The following SMIM9 variants were observed in gnomAD, a reference collection of about 807,000 sequenced individuals.
SMIM9 encodes chromosome X open reading frame 68.
In SMIM9, 8 loss-of-function variants were observed where a neutral mutation model predicts 7.2. The ratio of observed to expected loss-of-function variants is 1.10; its 90% CI spans 0.65 to 1.99. The LOEUF is 1.99. Ranked by LOEUF, SMIM9 falls within the 30% of genes most tolerant of loss-of-function variation. The pLI is 0.00. For missense variants in SMIM9, 76 were observed against 69.3 expected, an observed-to-expected ratio of 1.10 and a Z score of -0.34; for synonymous variants, 19 against 26.4, an observed-to-expected ratio of 0.72 and a Z score of 0.86.
At chrX:154,827,484 A>C (rs1422377960) in intron 4 of SMIM9, 1 of 112,568 alleles carries the variant, frequency 8.9e-6, no homozygotes, top group Non-Finnish European at 1.9e-5. Context: ...AGAGTCCTTC[A>C]GTTGAAGCCC....
chrX:154,830,085 C>T (rs939114466), intron 3 of SMIM9, among the ~76,000 whole-genome samples: 35 of 111,453 alleles, frequency 3.1e-4, no homozygotes, highest in African/African-American at 1.1e-3. Flanking sequence ...GCCCTAAGAG[C>T]AGAGGAGAAA....
chrX:154,831,120 C>T (rs2072443899), intron 2 of SMIM9, among the ~76,000 whole-genome samples, 165 bp from the exon 3 acceptor site: 1 of 111,749 alleles, frequency 8.9e-6, no homozygotes. Flanking sequence ...TGACTATGCT[C>T]TATCAGGTCA....
At chrX:154,832,119 G>A (rs1242471978) in intron 2 of SMIM9, among the ~76,000 whole-genome samples, 1 of 110,825 alleles carries the variant, frequency 9.0e-6, no homozygotes. Context: ...TGAATGAATG[G>A]CGACTTTTGG....
chrX:154,833,652 C>G (rs1557270718), intron 1 of SMIM9, among the ~76,000 whole-genome samples: 1 of 109,931 alleles, frequency 9.1e-6, no homozygotes, highest in Non-Finnish European at 1.9e-5. Flanking sequence ...GTGCACCCAA[C>G]CACCGTGGCA....
intron 4 of SMIM9, 74 bp from the exon 5 acceptor site, chrX:154,823,856 G>T: frequency 1.0e-6 from 1 of 963,724 alleles, no homozygotes; most frequent in Non-Finnish European, 1.4e-6. Context: ...TTCAAAGATT[G>T]GATTTGACAC....
At chrX:154,832,092 G>A (rs1557270631) in intron 2 of SMIM9, among the ~76,000 whole-genome samples, 1 of 111,327 alleles carries the variant, frequency 9.0e-6, no homozygotes, top group Non-Finnish European at 1.9e-5. Flanking sequence ...GTATCCAGGT[G>A]CTCAATAAAT....
intron 4 of SMIM9, among the ~76,000 whole-genome samples, chrX:154,826,515 T>C (rs1364441722): frequency 8.9e-6 from 1 of 112,237 alleles, no homozygotes; most frequent in Non-Finnish European, 1.9e-5. Flanking sequence ...CCTCAGCCTC[T>C]GAAAATGCTG....
chrX:154,827,794 A>T (rs2072427990), intron 4 of SMIM9, among the ~76,000 whole-genome samples: 2 of 112,017 alleles, frequency 1.8e-5, no homozygotes, highest in African/African-American at 6.5e-5. Context: ...ATATGGAAAT[A>T]TTCCACCCAT....
At chrX:154,830,586 C>A in intron 3 of SMIM9, 129 bp downstream of exon 3, 1 of 906,773 alleles carries the variant, frequency 1.1e-6, no homozygotes, top group South Asian at 2.9e-5. Context: ...TAAATTGAAC[C>A]AAACCAGAAT....
chrX:154,833,041 A>C (rs782569183), intron 1 of SMIM9, among the ~76,000 whole-genome samples: 149 of 111,776 alleles, frequency 1.3e-3, no homozygotes, highest in Non-Finnish European at 2.1e-3. Flanking sequence ...AAATAAAATT[A>C]TATACAAAAT....
At chrX:154,831,183 A>C (rs1447353337) in intron 2 of SMIM9, among the ~76,000 whole-genome samples, 2 of 111,334 alleles carry the variant, frequency 1.8e-5, no homozygotes, top group East Asian at 2.8e-4. Flanking sequence ...TCCCCAACTC[A>C]ATTAGTAGAA....
At chrX:154,823,874 T>C in intron 4 of SMIM9, 92 bp from the exon 5 acceptor site, 1 of 826,321 alleles carries the variant, frequency 1.2e-6, no homozygotes, top group Non-Finnish European at 1.6e-6. Flanking sequence ...CACCAGTTTT[T>C]CTCTTAATAT....
chrX:154,825,115 C>T (rs1417801652), intron 4 of SMIM9, among the ~76,000 whole-genome samples: 1 of 111,864 alleles, frequency 8.9e-6, no homozygotes, highest in East Asian at 2.8e-4. Flanking sequence ...CTTGGCTGGG[C>T]GCGGTGACTC....
At chrX:154,826,076 TAAAAA>T (rs368082108) in intron 4 of SMIM9, among the ~76,000 whole-genome samples, 3 of 104,631 alleles carry the variant, frequency 2.9e-5, no homozygotes, top group Non-Finnish European at 5.9e-5. Context: ...ATAGTAACAA[TAAAAA>T]AAAAAGAAAA....
intron 4 of SMIM9, among the ~76,000 whole-genome samples, chrX:154,828,606 CA>C (rs1557270353): frequency 8.0e-5 from 9 of 111,919 alleles, no homozygotes. Flanking sequence ...TTGTTTACAA[CA>C]GATGGCTCAT....
intron 4 of SMIM9, among the ~76,000 whole-genome samples, chrX:154,824,053 C>T (rs2072407930): frequency 9.0e-6 from 1 of 111,241 alleles, no homozygotes; most frequent in African/African-American, 3.3e-5. Context: ...CAATACAGCT[C>T]ATTGTAGAAA....
intron 4 of SMIM9, among the ~76,000 whole-genome samples, chrX:154,824,370 A>AAG (rs1557270104): frequency 1.3e-4 from 14 of 106,364 alleles, no homozygotes; most frequent in African/African-American, 4.9e-4. Flanking sequence ...AAAAAAAAAA[A>AAG]AAAAAAGAAA....
Position 154,830,902 on chromosome X carries a change from C to T in SMIM9, c.-46G>A, listed in dbSNP as rs1407682274. The T allele has an allele frequency of 3.5e-6, 4 of 1,141,227 alleles. No homozygotes were observed. The African/African-American group carries it at 5.5e-5, about 16-fold the overall frequency. 94.0% of individuals were successfully genotyped at this position (1,141,227 alleles called of 1,213,427 possible). A position where few individuals can be genotyped will look rare whatever the true frequency, so the allele number is the denominator to read the frequency against. ...GGCTGAAGAGCTGGTAATCCTAGCT[C>T]ACTCTGCCAAGGAGAGATGTCTTTG... is the stretch of plus-strand genomic sequence containing the variant. On this transcript the variant is annotated 5_prime_UTR_variant, in exon 3 of 5. Transcript: ENST00000369529.
chrX:154,833,896 G>A (rs1385780927), intron 1 of SMIM9, among the ~76,000 whole-genome samples: 1 of 112,236 alleles, frequency 8.9e-6, no homozygotes, highest in African/African-American at 3.2e-5. Flanking sequence ...TAAAATGAAA[G>A]TTTTTGTAGA....
Sources: gnomAD v4.1 joint callset for allele counts (sites outside exome capture counted in the v4.1 genomes callset) on GRCh38, gnomAD v4.1.1 for gene constraint, MANE v1.5 for transcripts, NCBI Gene and HGNC (gene_info 2026-07-23, HGNC 2026-07-21) for gene names.